SEMA3C: variants seen among roughly 807,000 people sequenced by gnomAD.
The protein encoded by SEMA3C is semaphorin-3C.
SEMA3C carries 47 observed loss-of-function variants against 89.4 expected under a neutral mutation model. The ratio of observed to expected loss-of-function variants is 0.53; its 90% CI spans 0.42 to 0.67. SEMA3C has a LOEUF of 0.67. Among genes scored for constraint, SEMA3C ranks in the 30% least tolerant of loss-of-function variants. SEMA3C has a pLI of 0.00. For missense variants in SEMA3C, 839 were observed against 929.1 expected, an observed-to-expected ratio of 0.90 and a Z score of 1.26; for synonymous variants, 310 against 320.2, an observed-to-expected ratio of 0.97 and a Z score of 0.34.
At chr7:80,797,020 T>A (rs1488562130) in intron 11 of SEMA3C, among the ~76,000 whole-genome samples, 1 of 152,136 alleles carries the variant, frequency 6.6e-6, no homozygotes, top group Non-Finnish European at 1.5e-5. Context: ...TTATATGGGA[T>A]AATTATTTGG....
At chr7:80,802,174 A>G (rs2115669428) in intron 9 of SEMA3C, among the ~76,000 whole-genome samples, 1 of 152,192 alleles carries the variant, frequency 6.6e-6, no homozygotes, top group African/African-American at 2.4e-5. Flanking sequence ...CACATTGAGA[A>G]TATCTAATCT....
At chr7:80,919,392 T>C (rs533755247), upstream of SEMA3C, 1 of 985,246 alleles carries the variant, frequency 1.0e-6, no homozygotes, top group African/African-American at 1.7e-5. Context: ...TCCACGGTTT[T>C]TGTTGCCGGC....
chr7:80,763,380 AACT>A (rs1441816399), intron 13 of SEMA3C, among the ~76,000 whole-genome samples: 1 of 152,236 alleles, frequency 6.6e-6, no homozygotes, highest in Non-Finnish European at 1.5e-5. Flanking sequence ...TGAAGACAGT[AACT>A]GTATTCAGTA....
chr7:80,820,220 G>A (rs1261088611), intron 4 of SEMA3C, among the ~76,000 whole-genome samples: 2 of 150,634 alleles, frequency 1.3e-5, no homozygotes, highest in East Asian at 4.3e-4. Flanking sequence ...ACCATACCCA[G>A]CTAATTTTTT....
chr7:80,830,029 C>T (rs1789974381), intron 2 of SEMA3C, among the ~76,000 whole-genome samples: 1 of 152,154 alleles, frequency 6.6e-6, no homozygotes, highest in Admixed American at 6.5e-5. Context: ...TATAGGAAGT[C>T]ATGGACTATA....
intron 2 of SEMA3C, among the ~76,000 whole-genome samples, chr7:80,901,487 T>C (rs1363121555): frequency 6.6e-6 from 1 of 152,240 alleles, no homozygotes; most frequent in Non-Finnish European, 1.5e-5. Flanking sequence ...TTCTTACTTG[T>C]CAGTTACTTC....
At chr7:80,851,352 A>G (rs1259147156) in intron 2 of SEMA3C, among the ~76,000 whole-genome samples, 1 of 151,772 alleles carries the variant, frequency 6.6e-6, no homozygotes, top group Non-Finnish European at 1.5e-5. Flanking sequence ...TAAAAATACA[A>G]AAATTAGCCA....
At chr7:80,757,751 A>G (rs561163159) in intron 15 of SEMA3C, among the ~76,000 whole-genome samples, 1 of 152,288 alleles carries the variant, frequency 6.6e-6, no homozygotes, top group South Asian at 2.1e-4. Context: ...CAGGTGGATC[A>G]CGAGGTCAGG....
intron 4 of SEMA3C, among the ~76,000 whole-genome samples, chr7:80,822,579 T>C (rs17154517): frequency 0.019 from 2,822 of 152,158 alleles, 101 homozygotes; most frequent in African/African-American, 0.063. Flanking sequence ...ATAGAGAATA[T>C]TGCAGAGAAG....
chr7:80,883,753 T>G (rs1294777616), intron 2 of SEMA3C, among the ~76,000 whole-genome samples: 1 of 152,198 alleles, frequency 6.6e-6, no homozygotes, highest in African/African-American at 2.4e-5. Context: ...TCCTTCAGAG[T>G]ATCAAAGCAC....
intron 12 of SEMA3C, among the ~76,000 whole-genome samples, chr7:80,768,606 T>C (rs971305613): frequency 2.6e-5 from 4 of 152,004 alleles, no homozygotes; most frequent in Non-Finnish European, 5.9e-5. Flanking sequence ...GAAAAAACAT[T>C]TGGGGATGGG....
intron 2 of SEMA3C, among the ~76,000 whole-genome samples, chr7:80,882,548 T>C (rs111693193): frequency 4.6e-5 from 7 of 151,194 alleles, no homozygotes; most frequent in African/African-American, 1.7e-4. Context: ...AGGTATTCAC[T>C]GAGCATTTGG....
chr7:80,809,484 T>C (rs115265533), intron 6 of SEMA3C, among the ~76,000 whole-genome samples: 1 of 152,206 alleles, frequency 6.6e-6, no homozygotes, highest in Non-Finnish European at 1.5e-5. Flanking sequence ...CTTTTAGTTT[T>C]TGGGGGAATG....
At chr7:80,893,048 T>A (rs540763842) in intron 2 of SEMA3C, among the ~76,000 whole-genome samples, 47 of 152,218 alleles carry the variant, frequency 3.1e-4, no homozygotes, top group Non-Finnish European at 6.0e-4. Flanking sequence ...AGCTCCTTCA[T>A]TAGCAGATGA....
chr7:80,751,220 G>T (rs552844448), intron 16 of SEMA3C, 49 bp downstream of exon 16: 4 of 1,408,232 alleles, frequency 2.8e-6, no homozygotes, highest in Non-Finnish European at 3.0e-6. Context: ...AATGTGATAC[G>T]GAGCATTGCT....
chr7:80,744,935 G>T lies in SEMA3C; in HGVS notation c.2215C>A (p.Arg739=), dbSNP rs771895575. ...TGATTCCTCCTGTTTCTACTTTTCC[G>T]ACTATTGATGAGGGCCTTTAACTTG... ...YGKLKALINS[R]KSRNRRNQLP... Residue 739 remains arginine (R), a synonymous_variant, in exon 18 of 18, where the codon CGG becomes AGG. Coordinates refer to ENST00000265361, the MANE Select transcript of SEMA3C (RefSeq NM_006379.5). 1.9e-6 allele frequency: 3 copies of T among 1,613,974 alleles called. No homozygotes were observed. Among genetic ancestry groups the T allele is most frequent in the Non-Finnish European group, 2.5e-6 (3 of 1,179,932 alleles).
At chr7:80,783,082 T>C (rs1216552607) in intron 12 of SEMA3C, among the ~76,000 whole-genome samples, 2 of 152,194 alleles carry the variant, frequency 1.3e-5, no homozygotes, top group Non-Finnish European at 2.9e-5. Context: ...CATGAGATTT[T>C]ACGTTGTCCT....
chr7:80,879,717 T>C (rs1359133141), intron 2 of SEMA3C, among the ~76,000 whole-genome samples: 2 of 152,210 alleles, frequency 1.3e-5, no homozygotes, highest in African/African-American at 4.8e-5. Flanking sequence ...TATTTAGTGA[T>C]ATATTAGCTT....
chr7:80,848,581 T>A (rs957784304), intron 2 of SEMA3C, among the ~76,000 whole-genome samples: 1 of 152,220 alleles, frequency 6.6e-6, no homozygotes, highest in Non-Finnish European at 1.5e-5. Flanking sequence ...AAAGTTAGCC[T>A]TCTTTATAAA....
Sources: gnomAD v4.1 joint callset for allele counts (sites outside exome capture counted in the v4.1 genomes callset) on GRCh38, gnomAD v4.1.1 for gene constraint, MANE v1.5 for transcripts, NCBI Gene and HGNC (gene_info 2026-07-23, HGNC 2026-07-21) for gene names.